Variants in MSRA observed in about 807,000 individuals in gnomAD.
The protein encoded by MSRA is methionine sulfoxide reductase A, also known as mitochondrial peptide methionine sulfoxide reductase.
Under a neutral mutation model 31.3 loss-of-function variants are expected in MSRA, and 54 were observed. The ratio of observed to expected loss-of-function variants is 1.73; its 90% confidence interval spans 1.39 to 2.17. MSRA has a LOEUF of 2.17. Among genes scored for constraint, MSRA ranks in the 30% most tolerant of loss-of-function variants. The probability of loss-of-function intolerance (pLI) is 0.00; values close to 1 mark genes in which losing one functional copy is unlikely to be tolerated. For synonymous variants in MSRA, 169 were observed against 116.5 expected (o/e 1.45, Z -2.90); for missense variants, 507 against 300.9 (o/e 1.69, Z -5.07).
chr8:10,095,314 G>C (rs1563430124), intron 1 of MSRA, among the ~76,000 whole-genome samples: 2 of 152,136 alleles, frequency 1.3e-5, no homozygotes, highest in Admixed American at 6.6e-5. Flanking sequence ...CTCCATTATT[G>C]CTCCGGGAAC....
At chr8:10,071,588 G>A (rs552479424) in intron 1 of MSRA, among the ~76,000 whole-genome samples, 1 of 150,888 alleles carries the variant, frequency 6.6e-6, no homozygotes, top group South Asian at 2.1e-4. Context: ...GCCTTGCGTT[G>A]ATCCTGGAGA....
At chr8:10,191,439 G>C (rs899253770) in intron 1 of MSRA, among the ~76,000 whole-genome samples, 6 of 152,170 alleles carry the variant, frequency 3.9e-5, no homozygotes, top group African/African-American at 1.4e-4. Flanking sequence ...TGAGGCAGAG[G>C]TATAACTTCC....
chr8:10,231,757 G>C (rs1563248000), intron 2 of MSRA, among the ~76,000 whole-genome samples: 1 of 152,086 alleles, frequency 6.6e-6, no homozygotes, highest in African/African-American at 2.4e-5. Flanking sequence ...ACAAAAATTA[G>C]CCGGGCGTGG....
chr8:10,307,342 A>T, intron 4 of MSRA, among the ~76,000 whole-genome samples: 1 of 151,752 alleles, frequency 6.6e-6, no homozygotes, highest in South Asian at 2.1e-4. Flanking sequence ...TATTTTTTGT[A>T]TTTTTGGTAG....
intron 1 of MSRA, among the ~76,000 whole-genome samples, chr8:10,068,331 C>T (rs1278875305): frequency 1.3e-5 from 2 of 152,154 alleles, no homozygotes; most frequent in Non-Finnish European, 2.9e-5. Context: ...AAATGACATC[C>T]AGCTTGTGGA....
intron 5 of MSRA, among the ~76,000 whole-genome samples, chr8:10,343,221 G>A (rs940303579): frequency 2.0e-5 from 3 of 152,118 alleles, no homozygotes; most frequent in African/African-American, 7.2e-5. Flanking sequence ...CAGCAGCATC[G>A]CAGGGGAAAG....
intron 1 of MSRA, among the ~76,000 whole-genome samples, chr8:10,162,163 G>A (rs139075803): frequency 7.0e-4 from 106 of 152,280 alleles, no homozygotes; most frequent in African/African-American, 2.2e-3. Flanking sequence ...GGTCTGCGGT[G>A]GAACAGTGCT....
At chr8:10,383,983 T>A (rs1266705709) in intron 5 of MSRA, among the ~76,000 whole-genome samples, 1 of 152,180 alleles carries the variant, frequency 6.6e-6, no homozygotes, top group Non-Finnish European at 1.5e-5. Flanking sequence ...TGCAGCCACA[T>A]TCACGTTCTG....
At position 10,194,393 on chromosome 8, in the gene MSRA, C is replaced by G. The variant is rs550666401; in HGVS notation, c.143-13440C>G. Among the ~76,000 whole-genome samples, 3 of 152,284 alleles carry G rather than the reference C, an allele frequency of 2.0e-5. No individual in the cohort carries two copies. The South Asian group carries it at 6.2e-4, about 32-fold the overall frequency. ...GCCAGCCTGTTCAACATGGTGAAAC[C>G]TGTCTCTACTAAAAGTACAAAAACT... On this transcript the variant is annotated intron_variant, in intron 1 of 5. Transcript: ENST00000317173.
chr8:10,395,489 T>C (rs557462423), intron 5 of MSRA, among the ~76,000 whole-genome samples: 2 of 152,116 alleles, frequency 1.3e-5, no homozygotes, highest in Non-Finnish European at 2.9e-5. Flanking sequence ...GAGAATGACA[T>C]GGCCACAGAT....
chr8:10,334,962 G>A, intron 5 of MSRA, among the ~76,000 whole-genome samples: 1 of 152,196 alleles, frequency 6.6e-6, no homozygotes, highest in Non-Finnish European at 1.5e-5. Flanking sequence ...GGCGCGGCGA[G>A]CCCGCCCATT....
intron 3 of MSRA, among the ~76,000 whole-genome samples, chr8:10,261,928 C>T (rs1022540721): frequency 1.3e-5 from 2 of 152,180 alleles, no homozygotes; most frequent in Admixed American, 1.3e-4. Context: ...CCGCCTTTTC[C>T]AGAATGTCAA....
At chr8:10,078,224 C>A (rs1798093150) in intron 1 of MSRA, among the ~76,000 whole-genome samples, 1 of 152,176 alleles carries the variant, frequency 6.6e-6, no homozygotes, top group Admixed American at 6.5e-5. Flanking sequence ...TTTTCTTTCC[C>A]TCTTCTTCCT....
At chr8:10,138,720 T>C (rs1027004790) in intron 1 of MSRA, among the ~76,000 whole-genome samples, 6 of 152,260 alleles carry the variant, frequency 3.9e-5, no homozygotes, top group African/African-American at 1.4e-4. Flanking sequence ...TGCTCGCTGT[T>C]GATTTATTTC....
rs112861539 is a variant in MSRA, at chr8:10,338,265, C to T, written c.543+18276C>T. On this transcript the variant is annotated intron_variant, in intron 5 of 5. Coordinates refer to ENST00000317173, the MANE Select transcript of MSRA (RefSeq NM_012331.5). ...AAGGCAGGCACAGAAAGAAAAATAC[C>T]GCATGATCTCACTTATATGTGGAAT... 4.7e-3 allele frequency among the ~76,000 whole-genome samples: 716 copies of T among 152,128 alleles called. 5 individuals carry two copies. The highest frequency in any genetic ancestry group is 0.012 in the African/African-American group (517 of 41,496).
At chr8:10,298,230 G>A (rs1800648539) in intron 3 of MSRA, among the ~76,000 whole-genome samples, 1 of 152,204 alleles carries the variant, frequency 6.6e-6, no homozygotes, top group Non-Finnish European at 1.5e-5. Context: ...CAACCCACAT[G>A]TTCGTTGATG....
At chr8:10,368,398 A>C (rs1805287990) in intron 5 of MSRA, among the ~76,000 whole-genome samples, 1 of 152,234 alleles carries the variant, frequency 6.6e-6, no homozygotes, top group Non-Finnish European at 1.5e-5. Flanking sequence ...GATTTGCTAA[A>C]AGATGTCTTC....
At chr8:10,298,588 A>G (rs560315960) in intron 3 of MSRA, among the ~76,000 whole-genome samples, 46 of 151,588 alleles carry the variant, frequency 3.0e-4, no homozygotes, top group Non-Finnish European at 2.1e-4. Context: ...ACTTAATCTG[A>G]TGGTAAATTT....
chr8:10,233,305 A>C (rs1431698631), intron 2 of MSRA, among the ~76,000 whole-genome samples: 1 of 152,242 alleles, frequency 6.6e-6, no homozygotes, highest in African/African-American at 2.4e-5. Context: ...TGTGTGTGCA[A>C]CTGTGAAAAT....
Sources: gnomAD v4.1 joint callset for allele counts (sites outside exome capture counted in the v4.1 genomes callset) on GRCh38, gnomAD v4.1.1 for gene constraint, MANE v1.5 for transcripts, NCBI Gene and HGNC (gene_info 2026-07-23, HGNC 2026-07-21) for gene names.